Variants in CNTNAP2 observed in about 807,000 individuals in gnomAD.
CNTNAP2 encodes contactin-associated protein-like 2.
CNTNAP2 carries 98 observed loss-of-function variants against 155.2 expected under a neutral mutation model. The ratio of observed to expected loss-of-function variants is 0.63; its 90% CI spans 0.54 to 0.75. The LOEUF is 0.75. Among genes scored for constraint, CNTNAP2 ranks in the 30% least tolerant of loss-of-function variants. The pLI, the probability that CNTNAP2 is intolerant of heterozygous loss-of-function variation, is 0.00. For missense variants in CNTNAP2, 1,727 were observed against 1,688.1 expected (o/e 1.02, Z -0.40); for synonymous variants, 651 against 631.2 (o/e 1.03, Z -0.47).
At position 146,665,825 on chromosome 7, in the gene CNTNAP2, T is replaced by C. The variant is rs186533727; in HGVS notation, c.98-108446T>C. Among the ~76,000 whole-genome samples the C allele has an allele frequency of 5.9e-5, 8 of 135,932 alleles. No homozygotes were observed. The East Asian group carries it at 1.8e-3, about 30-fold the overall frequency. The allele number at this position is 135,932 out of a possible 152,430, so 89.2% of individuals were successfully genotyped here. A position where few individuals can be genotyped will look rare whatever the true frequency, so the allele number is the denominator to read the frequency against. On this transcript the variant is annotated intron_variant, in intron 1 of 23. Coordinates refer to ENST00000361727, the MANE Select transcript of CNTNAP2 (RefSeq NM_014141.6). ...ACATTTTGTAACTGATTTCTATTTT[T>C]AATTTTATAACACTTTTAAAATTAT...
At chr7:146,825,850 A>T (rs778110692) in intron 2 of CNTNAP2, among the ~76,000 whole-genome samples, 1 of 152,134 alleles carries the variant, frequency 6.6e-6, no homozygotes, top group Non-Finnish European at 1.5e-5. Flanking sequence ...ATTTTGCATC[A>T]TTGAATGCAA....
At chr7:147,825,871 G>C (rs1456525454) in intron 13 of CNTNAP2, among the ~76,000 whole-genome samples, 1 of 152,098 alleles carries the variant, frequency 6.6e-6, no homozygotes, top group Non-Finnish European at 1.5e-5. Flanking sequence ...ATGGGGTGTG[G>C]GTGTTGAAGA....
intron 3 of CNTNAP2, among the ~76,000 whole-genome samples, chr7:146,941,227 TAC>T (rs1797049556): frequency 6.6e-6 from 1 of 152,140 alleles, no homozygotes; most frequent in Admixed American, 6.5e-5. Flanking sequence ...TCTCTAGTGG[TAC>T]AATTATTTTG....
At chr7:146,170,018 C>CTTTTTTTTTTTCTT in intron 1 of CNTNAP2, among the ~76,000 whole-genome samples, 1 of 126,970 alleles carries the variant, frequency 7.9e-6, no homozygotes, top group Non-Finnish European at 1.7e-5. Flanking sequence ...CCTTTCTTTT[C>CTTTTTTTTTTTCTT]TTTTTTTTTT....
chr7:147,029,426 A>G (rs1474926436), intron 3 of CNTNAP2, among the ~76,000 whole-genome samples: 1 of 152,226 alleles, frequency 6.6e-6, no homozygotes, highest in Admixed American at 6.5e-5. Flanking sequence ...ACAAATTGCT[A>G]AAGTTTAAGA....
chr7:148,262,883 TG>T (rs997172921), intron 20 of CNTNAP2, among the ~76,000 whole-genome samples: 3 of 152,176 alleles, frequency 2.0e-5, no homozygotes, highest in African/African-American at 7.2e-5. Flanking sequence ...GCTGCTGTTC[TG>T]AATTATGTTC....
intron 2 of CNTNAP2, among the ~76,000 whole-genome samples, chr7:146,811,282 A>C (rs982284355): frequency 2.0e-5 from 3 of 152,076 alleles, no homozygotes; most frequent in Admixed American, 6.6e-5. Flanking sequence ...CTTTGTTTTT[A>C]ATGGGAAGTT....
At chr7:147,040,940 C>T (rs763530479) in intron 3 of CNTNAP2, among the ~76,000 whole-genome samples, 4 of 152,094 alleles carry the variant, frequency 2.6e-5, no homozygotes, top group Non-Finnish European at 2.9e-5. Context: ...CTTCTACTCC[C>T]TTCTTTCAAG....
chr7:147,037,768 C>T (rs1012884218), intron 3 of CNTNAP2, among the ~76,000 whole-genome samples: 1 of 152,038 alleles, frequency 6.6e-6, no homozygotes, highest in African/African-American at 2.4e-5. Context: ...ATACTAGAAC[C>T]GTTTAAATAA....
intron 13 of CNTNAP2, among the ~76,000 whole-genome samples, chr7:147,817,475 A>G (rs1238258249): frequency 2.0e-5 from 3 of 152,208 alleles, no homozygotes; most frequent in African/African-American, 7.2e-5. Flanking sequence ...AATTTTTAGC[A>G]AAGACAACAT....
intron 12 of CNTNAP2, among the ~76,000 whole-genome samples, chr7:147,586,522 A>AGAAGAGGGAGGGAGG (rs1554408287): frequency 4.0e-5 from 1 of 25,064 alleles, no homozygotes; most frequent in African/African-American, 3.2e-4. Flanking sequence ...CAGAGAGAGA[A>AGAAGAGGGAGGGAGG]GAGGAAGGAA....
intron 10 of CNTNAP2, among the ~76,000 whole-genome samples, chr7:147,474,348 CTT>C (rs1333061694): frequency 2.0e-5 from 3 of 152,066 alleles, no homozygotes; most frequent in African/African-American, 7.2e-5. Context: ...AATCCCAACA[CTT>C]TGGGAGGCCA....
At chr7:147,817,766 A>G (rs1010057768) in intron 13 of CNTNAP2, among the ~76,000 whole-genome samples, 1 of 151,954 alleles carries the variant, frequency 6.6e-6, no homozygotes, top group Non-Finnish European at 1.5e-5. Flanking sequence ...TTAGCCGGGC[A>G]TGATGGTGGG....
In CNTNAP2 at chr7:147,295,471, A is replaced by C. The variant is rs192331820; in HGVS notation, c.1349-4670A>C. Among the ~76,000 whole-genome samples the C allele has an allele frequency of 2.4e-3, 372 of 152,216 alleles. 4 individuals carry two copies. Among genetic ancestry groups the C allele is most frequent in the Admixed American group, 0.022 (340 of 15,272 alleles). ...CTATAGGATGCTTACAGATTGGTAG[A>C]CTCAGTCCTTCCCTATATACTGGAG... is the stretch of plus-strand genomic sequence containing the variant. On this transcript the variant is annotated intron_variant, in intron 8 of 23. Transcript: ENST00000361727.
intron 4 of CNTNAP2, among the ~76,000 whole-genome samples, chr7:147,065,373 T>G (rs1345870697): frequency 2.0e-5 from 3 of 152,238 alleles, no homozygotes; most frequent in Non-Finnish European, 4.4e-5. Flanking sequence ...TTAAGTTGAC[T>G]ACAGATGAAC....
chr7:146,520,546 A>G (rs902955991), intron 1 of CNTNAP2, among the ~76,000 whole-genome samples: 2 of 151,628 alleles, frequency 1.3e-5, no homozygotes, highest in Admixed American at 1.3e-4. Context: ...TCTATAGATG[A>G]CATATACTGA....
intron 13 of CNTNAP2, among the ~76,000 whole-genome samples, chr7:147,670,979 TCACGC>T (rs1795777740): frequency 6.6e-6 from 1 of 152,178 alleles, no homozygotes; most frequent in Non-Finnish European, 1.5e-5. Flanking sequence ...GTCATGGGCA[TCACGC>T]CAGACTCTGC....
At chr7:147,381,855 A>T (rs552606049) in intron 9 of CNTNAP2, among the ~76,000 whole-genome samples, 47 of 152,158 alleles carry the variant, frequency 3.1e-4, no homozygotes, top group Non-Finnish European at 5.4e-4. Flanking sequence ...TGAAAATAAG[A>T]TGGGAAACCC....
At chr7:146,950,218 T>A (rs1161340439) in intron 3 of CNTNAP2, among the ~76,000 whole-genome samples, 1 of 152,204 alleles carries the variant, frequency 6.6e-6, no homozygotes, top group Non-Finnish European at 1.5e-5. Flanking sequence ...TCTTTAAAGA[T>A]GTTTATAAAA....
Sources: allele counts gnomAD v4.1 joint callset (sites outside exome capture counted in the v4.1 genomes callset), GRCh38; gene constraint gnomAD v4.1.1; transcripts MANE v1.5; gene names NCBI Gene and HGNC (gene_info 2026-07-23, HGNC 2026-07-21).